Variants in RALY observed in about 807,000 individuals in gnomAD.
The protein encoded by RALY is RALY heterogeneous nuclear ribonucleoprotein.
Under a neutral mutation model 30.7 loss-of-function variants are expected in RALY, and 15 were observed. The ratio of observed to expected loss-of-function variants is 0.49; its 90% CI spans 0.33 to 0.75. RALY has a LOEUF of 0.75. Among genes scored for constraint, RALY ranks in the 30% least tolerant of loss-of-function variants. The pLI is 0.02. For synonymous variants in RALY, 177 were observed against 170.8 expected (o/e 1.04, Z -0.28); for missense variants, 339 against 414.3 (o/e 0.82, Z 1.58).
At chr20:34,004,773 T>G (rs925275383) in intron 1 of RALY, among the ~76,000 whole-genome samples, 4 of 152,196 alleles carry the variant, frequency 2.6e-5, no homozygotes, top group Non-Finnish European at 5.9e-5. Flanking sequence ...CTTCTTAAAA[T>G]GGTTGGGGAG....
rs889545862 is a variant in RALY at position 34,006,722 on chromosome 20, C to T, written c.-93+12591C>T. Among the ~76,000 whole-genome samples, 3 of 152,164 alleles carry T rather than the reference C, an allele frequency of 2.0e-5. No individual in the cohort carries two copies. In the South Asian group the frequency reaches 6.2e-4, roughly 31 times the overall value. ...CTACAGTATTCAACACAGTAACATG[C>T]TGTATAGGTTTGTAGCCTAGGAGCA... On this transcript the variant is annotated intron_variant, in intron 1 of 9. Transcript: ENST00000246194.
chr20:34,032,152 G>A (rs565559020), intron 2 of RALY, among the ~76,000 whole-genome samples: 54 of 152,244 alleles, frequency 3.5e-4, no homozygotes, highest in African/African-American at 1.1e-3. Flanking sequence ...TAGTAGAGAC[G>A]GGGTTTCTCC....
chr20:33,995,898 C>T (rs2030598889), intron 1 of RALY, among the ~76,000 whole-genome samples: 1 of 152,102 alleles, frequency 6.6e-6, no homozygotes, highest in African/African-American at 2.4e-5. Flanking sequence ...GGCACGAAAC[C>T]ACTTATTCAG....
At position 34,081,710 on chromosome 20, in the gene RALY, T is replaced by TGGGCAGGC. The variant is rs1284399686; in HGVS notation, c.*1807_*1814dup. On this transcript the variant is annotated 3_prime_UTR_variant, in exon 10 of 10. Coordinates refer to ENST00000246194, the MANE Select transcript of RALY (RefSeq NM_016732.3). Reference sequence around the variant, plus strand: ...TGAGCAGCCCTCCTGCCTGTCATCCTGGGCAGGCGAGCACTCTGAGGCCCC... The same window carrying TGGGCAGGC: ...TGAGCAGCCCTCCTGCCTGTCATCCTGGGCAGGCGGGCAGGCGAGCACTCTGAGGCCCC... 2 of 152,314 alleles carry TGGGCAGGC rather than the reference T, an allele frequency of 1.3e-5. No individual in the cohort carries two copies. The highest frequency in any genetic ancestry group is 3.8e-4 in the East Asian group (2 of 5,198). The allele number at this position is 152,314 out of a possible 1,614,324, so 9.4% of individuals were successfully genotyped here.
At position 34,073,553 on chromosome 20, in the gene RALY, C is replaced by T; in HGVS notation, c.257-10C>T. 6.3e-7 allele frequency: 1 copy of T among 1,579,518 alleles called. No homozygotes were observed. Among genetic ancestry groups the T allele is most frequent in the Non-Finnish European group, 8.7e-7 (1 of 1,148,508 alleles). ...TTAGCATTCCAACTCTGCCTTCTCC[C>T]TCCACACAGACATCAACATGGCTGG... is the stretch of plus-strand genomic sequence containing the variant. On this transcript the variant is annotated splice_polypyrimidine_tract_variant and intron_variant, in intron 3 of 9. Coordinates refer to ENST00000246194, the MANE Select transcript of RALY (RefSeq NM_016732.3).
intron 2 of RALY, among the ~76,000 whole-genome samples, chr20:34,031,901 A>G (rs1250426499): frequency 6.6e-6 from 1 of 152,142 alleles, no homozygotes; most frequent in Non-Finnish European, 1.5e-5. Flanking sequence ...GTGGGGGGCT[A>G]TCCTGGGACC....
intron 6 of RALY, 135 bp downstream of exon 6, chr20:34,076,175 A>T: frequency 3.6e-6 from 4 of 1,105,576 alleles, no homozygotes; most frequent in Non-Finnish European, 5.1e-6. Context: ...ACAGCCAAGT[A>T]TTTTCATGCA....
chr20:34,035,336 A>G (rs1395558494), intron 2 of RALY, among the ~76,000 whole-genome samples: 1 of 152,020 alleles, frequency 6.6e-6, no homozygotes, highest in East Asian at 1.9e-4. Context: ...TATTTATAGT[A>G]TCTACTATAT....
chr20:34,016,079 A>C (rs2031597304), intron 1 of RALY, among the ~76,000 whole-genome samples: 1 of 152,102 alleles, frequency 6.6e-6, no homozygotes, highest in Admixed American at 6.6e-5. Flanking sequence ...ACATCTGCGC[A>C]CAAGTCCTCC....
At chr20:34,027,558 T>A in intron 1 of RALY, among the ~76,000 whole-genome samples, 1 of 152,358 alleles carries the variant, frequency 6.6e-6, no homozygotes, top group Non-Finnish European at 1.5e-5. Context: ...CTTTGAACTG[T>A]TAGATCCTGC....
chr20:34,037,188 C>A (rs1175933224), intron 2 of RALY, among the ~76,000 whole-genome samples: 5 of 152,196 alleles, frequency 3.3e-5, no homozygotes, highest in Non-Finnish European at 7.3e-5. Context: ...GACAAGTGGC[C>A]TACAATGTAT....
chr20:34,044,300 T>G (rs959197545), intron 2 of RALY, among the ~76,000 whole-genome samples: 1 of 152,172 alleles, frequency 6.6e-6, no homozygotes, highest in Non-Finnish European at 1.5e-5. Context: ...TGTACGAGTA[T>G]GTAGCTGTGT....
At chr20:34,016,550 G>T (rs1224541209) in intron 1 of RALY, 3 of 152,242 alleles carry the variant, frequency 2.0e-5, no homozygotes, top group African/African-American at 7.2e-5. Flanking sequence ...AATTCCTTGA[G>T]TCCTTCTGTT....
chr20:34,070,689 G>C (rs909304480), intron 2 of RALY, among the ~76,000 whole-genome samples: 5 of 152,160 alleles, frequency 3.3e-5, no homozygotes, highest in African/African-American at 1.2e-4. Flanking sequence ...TTACTAGTAA[G>C]TTAATGAACT....
intron 1 of RALY, among the ~76,000 whole-genome samples, chr20:34,025,565 A>G (rs1205730739): frequency 3.9e-5 from 6 of 151,916 alleles, no homozygotes; most frequent in Non-Finnish European, 7.4e-5. Context: ...CAGCTTCCCA[A>G]AGTGCTGGGA....
At chr20:34,029,573 T>G in intron 1 of RALY, among the ~76,000 whole-genome samples, 1 of 149,366 alleles carries the variant, frequency 6.7e-6, no homozygotes, top group African/African-American at 2.5e-5. Context: ...GATTTGGCAG[T>G]TGTGGGAATG....
intron 1 of RALY, among the ~76,000 whole-genome samples, chr20:34,028,552 A>G (rs956949452): frequency 1.3e-5 from 2 of 151,416 alleles, no homozygotes; most frequent in Non-Finnish European, 2.9e-5. Flanking sequence ...AAAATACAAA[A>G]AATTAGCCAG....
intron 2 of RALY, among the ~76,000 whole-genome samples, chr20:34,066,636 C>G (rs2033580895): frequency 6.6e-6 from 1 of 152,020 alleles, no homozygotes; most frequent in African/African-American, 2.4e-5. Flanking sequence ...AAGGATCCTC[C>G]CATCTTGGCT....
At chr20:34,054,107 A>G (rs1456375170) in intron 2 of RALY, among the ~76,000 whole-genome samples, 6 of 152,146 alleles carry the variant, frequency 3.9e-5, no homozygotes, top group Non-Finnish European at 4.4e-5. Flanking sequence ...CTGATGGATG[A>G]GGAATTTGAG....
Sources: gnomAD v4.1 joint callset for allele counts (sites outside exome capture counted in the v4.1 genomes callset) on GRCh38, gnomAD v4.1.1 for gene constraint, MANE v1.5 for transcripts, NCBI Gene and HGNC (gene_info 2026-07-23, HGNC 2026-07-21) for gene names.